Variants in DCX observed in about 807,000 individuals in gnomAD.
The protein encoded by DCX is doublecortin.
Under a neutral mutation model 20.9 loss-of-function variants are expected in DCX, and 4 were observed. The ratio of observed to expected loss-of-function variants is 0.19; its 90% CI spans 0.09 to 0.44. DCX has a LOEUF of 0.44. Ranked by LOEUF, DCX falls within the 20% of genes least tolerant of loss-of-function variation. DCX has a pLI of 0.99. For missense variants in DCX, 133 were observed against 296.9 expected (o/e 0.45, Z 4.06); for synonymous variants, 103 against 111.4 (o/e 0.92, Z 0.47).
chrX:111,381,783 A>T (rs773438806), intron 3 of DCX, among the ~76,000 whole-genome samples: 1 of 111,768 alleles, frequency 8.9e-6, no homozygotes, highest in Non-Finnish European at 1.9e-5. Flanking sequence ...TATGTGTCGT[A>T]AAACAAAAAT....
chrX:111,368,393 G>A (rs1196073773), intron 3 of DCX, among the ~76,000 whole-genome samples: 5 of 111,770 alleles, frequency 4.5e-5, no homozygotes, highest in East Asian at 5.6e-4. Context: ...GAAAGCAACC[G>A]TAGTCTGAGT....
intron 3 of DCX, among the ~76,000 whole-genome samples, chrX:111,342,960 A>G (rs1169511101): frequency 9.0e-6 from 1 of 111,070 alleles, no homozygotes; most frequent in Non-Finnish European, 1.9e-5. Context: ...CACATCAGAA[A>G]CCTAGAAAGA....
intron 3 of DCX, among the ~76,000 whole-genome samples, chrX:111,378,934 T>A (rs1163078754): frequency 8.9e-6 from 1 of 111,938 alleles, no homozygotes; most frequent in East Asian, 2.8e-4. Flanking sequence ...TCTCTTGCCC[T>A]TCTGCCTTCT....
At chrX:111,316,618 G>A (rs993734368) in intron 5 of DCX, among the ~76,000 whole-genome samples, 2 of 111,578 alleles carry the variant, frequency 1.8e-5, no homozygotes, top group Non-Finnish European at 3.8e-5. Context: ...ATCCAAATAG[G>A]AAGAGAGGAA....
At chrX:111,409,728 A>G (rs985558735) in intron 2 of DCX, among the ~76,000 whole-genome samples, 2 of 111,888 alleles carry the variant, frequency 1.8e-5, no homozygotes, top group Admixed American at 1.9e-4. Context: ...CTCTGCCTCA[A>G]TAGTGCTACT....
chrX:111,303,235 C>T (rs1000224578), intron 6 of DCX, among the ~76,000 whole-genome samples: 2 of 109,417 alleles, frequency 1.8e-5, no homozygotes, highest in Admixed American at 9.8e-5. Flanking sequence ...TTACAGGCGC[C>T]CACCACCACG....
At chrX:111,319,621 T>C (rs1401316063) in intron 5 of DCX, among the ~76,000 whole-genome samples, 2 of 111,912 alleles carry the variant, frequency 1.8e-5, no homozygotes, top group Non-Finnish European at 3.8e-5. Context: ...ATGAAGGAGT[T>C]AATAGTTGAA....
intron 3 of DCX, among the ~76,000 whole-genome samples, chrX:111,356,288 C>T (rs1418780618): frequency 1.8e-5 from 2 of 112,111 alleles, no homozygotes; most frequent in African/African-American, 3.2e-5. Flanking sequence ...ACTGGCAAAA[C>T]ATCTCCCTTC....
chrX:111,384,114 A>G (rs1389894801), intron 3 of DCX, among the ~76,000 whole-genome samples: 1 of 111,698 alleles, frequency 9.0e-6, no homozygotes, highest in Admixed American at 9.5e-5. Flanking sequence ...TAGTTTACCA[A>G]ATGTCTAAAT....
At chrX:111,386,538 G>A (rs1035619391) in intron 3 of DCX, among the ~76,000 whole-genome samples, 2 of 111,255 alleles carry the variant, frequency 1.8e-5, no homozygotes, top group African/African-American at 6.5e-5. Context: ...TAAACCGTTA[G>A]GAAACAGACT....
intron 2 of DCX, among the ~76,000 whole-genome samples, chrX:111,408,390 A>C (rs1928374063): frequency 9.0e-6 from 1 of 110,699 alleles, no homozygotes; most frequent in African/African-American, 3.3e-5. Flanking sequence ...TGGGAGGCCA[A>C]GGCGGGTGGA....
chrX:111,345,561 A>G (rs1306519766), intron 3 of DCX, among the ~76,000 whole-genome samples: 3 of 111,403 alleles, frequency 2.7e-5, no homozygotes, highest in Non-Finnish European at 5.7e-5. Flanking sequence ...AAAAACAAAC[A>G]ACCCCATGAA....
chrX:111,307,471 T>G (rs2095048105), intron 6 of DCX, among the ~76,000 whole-genome samples: 1 of 111,149 alleles, frequency 9.0e-6, no homozygotes, highest in Admixed American at 9.6e-5. Context: ...TTGCATATGA[T>G]GAAACAACAC....
chrX:111,357,906 C>T (rs965525777), intron 3 of DCX, among the ~76,000 whole-genome samples: 3 of 111,565 alleles, frequency 2.7e-5, no homozygotes, highest in African/African-American at 9.8e-5. Context: ...TGGCTCACTG[C>T]AACTTCTGCC....
intron 3 of DCX, among the ~76,000 whole-genome samples, chrX:111,333,817 A>G (rs184011072): frequency 9.0e-6 from 1 of 111,559 alleles, no homozygotes; most frequent in East Asian, 2.8e-4. Context: ...CATGCCTGCT[A>G]GCATCCTAAG....
chrX:111,305,588 C>T (rs2095043546), intron 6 of DCX, among the ~76,000 whole-genome samples: 2 of 108,061 alleles, frequency 1.9e-5, no homozygotes, highest in South Asian at 3.9e-4. Context: ...TTCTGGTAAC[C>T]TCTGTGTTAT....
chrX:111,402,777 T>C (rs981034647), intron 2 of DCX, among the ~76,000 whole-genome samples: 55 of 102,940 alleles, frequency 5.3e-4, no homozygotes, highest in Middle Eastern at 4.9e-3. Flanking sequence ...TGTGTGTGTG[T>C]GCGTGGTGTG....
chrX:111,332,718 T>C (rs1167040533), intron 4 of DCX, among the ~76,000 whole-genome samples: 1 of 112,046 alleles, frequency 8.9e-6, no homozygotes, highest in East Asian at 2.8e-4. Context: ...ATATGTACAA[T>C]ATCCAAGTTC....
At chrX:111,393,716 A>G (rs1363151764) in intron 3 of DCX, among the ~76,000 whole-genome samples, 1 of 111,771 alleles carries the variant, frequency 8.9e-6, no homozygotes, top group Non-Finnish European at 1.9e-5. Flanking sequence ...CAATTGTCCA[A>G]TAAGCATGTG....
Sources: gnomAD v4.1 joint callset for allele counts (sites outside exome capture counted in the v4.1 genomes callset) on GRCh38, gnomAD v4.1.1 for gene constraint, MANE v1.5 for transcripts, NCBI Gene and HGNC (gene_info 2026-07-23, HGNC 2026-07-21) for gene names.